Variants in WASL observed in about 807,000 individuals in gnomAD.
WASL encodes the protein actin nucleation-promoting factor WASL.
A neutral mutation model predicts 55.5 loss-of-function variants in WASL; 20 were observed. The observed-to-expected ratio is 0.36, with a 90% CI of 0.25 to 0.52. The LOEUF (loss-of-function observed/expected upper bound fraction) is 0.52, where lower values mean the gene tolerates loss of function less well. Ranked by LOEUF, WASL falls within the 20% of genes least tolerant of loss-of-function variation. The pLI is 0.92. For missense variants in WASL, 504 were observed against 622.5 expected (o/e 0.81, Z 2.03); for synonymous variants, 249 against 217.6 (o/e 1.14, Z -1.27).
chr7:123,723,792 G>T (rs139877268), intron 1 of WASL, among the ~76,000 whole-genome samples: 79 of 152,222 alleles, frequency 5.2e-4, no homozygotes, highest in Admixed American at 3.3e-3. Context: ...AAACTTCCTT[G>T]TTCAATTCTG....
chr7:123,702,700 A>G (rs914927279), intron 5 of WASL, among the ~76,000 whole-genome samples: 6 of 152,188 alleles, frequency 3.9e-5, no homozygotes, highest in African/African-American at 1.4e-4. Flanking sequence ...TGTACCTAGC[A>G]TTTACATCGT....
rs536462006 is a variant in WASL at position 123,686,588 on chromosome 7, C to T, written c.1457-2008G>A. 2.6e-5 allele frequency among the ~76,000 whole-genome samples: 4 copies of T among 151,986 alleles called. No homozygotes were observed. The South Asian group carries it at 8.3e-4, about 32-fold the overall frequency. ...ACTATTACATACTATTAAAAAAAAA[C>T]TTATTGTAGGGAAATATTTAGCAGA... On this transcript the variant is annotated intron_variant, in intron 10 of 10. Transcript: ENST00000223023.
At chr7:123,735,870 G>A (rs536918740) in intron 1 of WASL, among the ~76,000 whole-genome samples, 1 of 152,192 alleles carries the variant, frequency 6.6e-6, no homozygotes, top group Non-Finnish European at 1.5e-5. Context: ...CAGGGAAAGA[G>A]AAGTAGATAC....
chr7:123,723,768 T>C (rs768324030), intron 1 of WASL, among the ~76,000 whole-genome samples: 4 of 152,208 alleles, frequency 2.6e-5, no homozygotes, highest in Non-Finnish European at 4.4e-5. Context: ...CTTCCCAGCT[T>C]CCTGCTGTTC....
rs1804087037 is a variant in WASL at position 123,728,438 on chromosome 7, A to G, written c.118-19215T>C. Among the ~76,000 whole-genome samples, 3 of 152,322 alleles carry G rather than the reference A, an allele frequency of 2.0e-5. No individual in the cohort carries two copies. In the South Asian group the frequency reaches 6.2e-4, roughly 32 times the overall value. ...GCTATATTAGGGAGTAAAAAGGTAG[A>G]AAGGGAAAACAACAACCCAACAACT... is the stretch of plus-strand genomic sequence containing the variant. On this transcript the variant is annotated intron_variant, in intron 1 of 10. Coordinates refer to ENST00000223023, the MANE Select transcript of WASL (RefSeq NM_003941.4).
intron 1 of WASL, among the ~76,000 whole-genome samples, chr7:123,744,484 C>G (rs1804397534): frequency 3.3e-5 from 5 of 151,846 alleles, no homozygotes. Context: ...AAACAAAAAA[C>G]TAAAGAAAAT....
At chr7:123,739,173 GTGTT>G (rs1287594325) in intron 1 of WASL, among the ~76,000 whole-genome samples, 1 of 152,048 alleles carries the variant, frequency 6.6e-6, no homozygotes, top group African/African-American at 2.4e-5. Context: ...AGAAATCTTA[GTGTT>G]TCCTTACTTT....
intron 1 of WASL, chr7:123,720,344 CAA>C (rs11377481): frequency 0.037 from 12,736 of 339,904 alleles, 68 homozygotes; most frequent in African/African-American, 0.07. Flanking sequence ...CATACAGCTG[CAA>C]AAAAAAAAAA....
At chr7:123,742,729 G>A (rs963868562) in intron 1 of WASL, among the ~76,000 whole-genome samples, 2 of 152,076 alleles carry the variant, frequency 1.3e-5, no homozygotes, top group Non-Finnish European at 2.9e-5. Context: ...TACTACTAAT[G>A]CTTTTTTATT....
chr7:123,725,191 G>T (rs1182496564), intron 1 of WASL, among the ~76,000 whole-genome samples: 1 of 152,136 alleles, frequency 6.6e-6, no homozygotes, highest in African/African-American at 2.4e-5. Flanking sequence ...CAATTTTGTG[G>T]TTTTCAAGAC....
chr7:123,717,357 G>C (rs1488304056), intron 1 of WASL, among the ~76,000 whole-genome samples: 1 of 152,222 alleles, frequency 6.6e-6, no homozygotes, highest in Non-Finnish European at 1.5e-5. Context: ...TGGGACACAG[G>C]ACCAGCAGCA....
intron 10 of WASL, among the ~76,000 whole-genome samples, chr7:123,686,980 C>T (rs1323309048): frequency 6.6e-6 from 1 of 152,118 alleles, no homozygotes; most frequent in Non-Finnish European, 1.5e-5. Context: ...TAACGAAATG[C>T]CTACTCCACA....
At chr7:123,731,071 AAGAC>A (rs1278419585) in intron 1 of WASL, among the ~76,000 whole-genome samples, 1 of 152,178 alleles carries the variant, frequency 6.6e-6, no homozygotes, top group Non-Finnish European at 1.5e-5. Flanking sequence ...GGGATAGAGA[AAGAC>A]AGACCCTGAT....
intron 1 of WASL, among the ~76,000 whole-genome samples, chr7:123,742,871 T>G (rs929702166): frequency 7.2e-5 from 11 of 152,222 alleles, no homozygotes; most frequent in Non-Finnish European, 1.2e-4. Context: ...TATGCTATAT[T>G]AGTCTCGGCT....
At chr7:123,744,483 A>G (rs1021239844) in intron 1 of WASL, among the ~76,000 whole-genome samples, 1 of 152,204 alleles carries the variant, frequency 6.6e-6, no homozygotes, top group African/African-American at 2.4e-5. Flanking sequence ...GAAACAAAAA[A>G]CTAAAGAAAA....
chr7:123,730,714 TA>T (rs1249223843), intron 1 of WASL, among the ~76,000 whole-genome samples: 1 of 152,196 alleles, frequency 6.6e-6, no homozygotes, highest in African/African-American at 2.4e-5. Flanking sequence ...ATGGTCTAAA[TA>T]CACCAATTAA....
chr7:123,693,296 A>C (rs1803442549), intron 8 of WASL, among the ~76,000 whole-genome samples: 1 of 152,246 alleles, frequency 6.6e-6, no homozygotes, highest in Admixed American at 6.5e-5. Flanking sequence ...TTTTAAGTAA[A>C]ATCAATTCAC....
intron 1 of WASL, among the ~76,000 whole-genome samples, chr7:123,710,749 T>C (rs1467928920): frequency 1.3e-5 from 2 of 152,144 alleles, no homozygotes; most frequent in East Asian, 3.9e-4. Flanking sequence ...AAAAAATGTG[T>C]ATCCTGGGAC....
Position 123,686,528 on chromosome 7 carries a change from T to TA in WASL, c.1457-1949dup, listed in dbSNP as rs1554403299. 4.6e-5 allele frequency among the ~76,000 whole-genome samples: 7 copies of TA among 152,138 alleles called. No individual in the cohort carries two copies. The South Asian group carries it at 1.2e-3, about 27-fold the overall frequency. ...TAAAATAAATGGGTCTGAAAATAAG[T>TA]AAAAACCATCCTATATTTTCATTAT... On this transcript the variant is annotated intron_variant, in intron 10 of 10. Transcript: ENST00000223023.
Sources: allele counts gnomAD v4.1 joint callset (sites outside exome capture counted in the v4.1 genomes callset), GRCh38; gene constraint gnomAD v4.1.1; transcripts MANE v1.5; gene names NCBI Gene and HGNC (gene_info 2026-07-23, HGNC 2026-07-21).